The following LINGO2 variants were observed in gnomAD, a reference collection of about 807,000 sequenced individuals.
The protein encoded by LINGO2 is leucine rich repeat and Ig domain containing 2, also known as leucine-rich repeat and immunoglobulin-like domain-containing nogo receptor-interacting protein 2.
In LINGO2, 14 loss-of-function variants were observed where a neutral mutation model predicts 30.6. The ratio of observed to expected loss-of-function variants is 0.46; its 90% CI spans 0.30 to 0.72. The LOEUF is 0.72. Among genes scored for constraint, LINGO2 ranks in the 30% least tolerant of loss-of-function variants. LINGO2 has a pLI of 0.07. For missense variants in LINGO2, 729 were observed against 751.7 expected (o/e 0.97, Z 0.35); for synonymous variants, 317 against 288.5 (o/e 1.10, Z -1.00).
At chr9:28,084,666 G>C (rs959193469) in intron 4 of LINGO2, among the ~76,000 whole-genome samples, 1 of 152,084 alleles carries the variant, frequency 6.6e-6, no homozygotes, top group Non-Finnish European at 1.5e-5. Flanking sequence ...CAAACCCGCT[G>C]ACTCCAGATG....
chr9:29,074,295 TGTC>T, the LINGO2 span, among the ~76,000 whole-genome samples: 7 of 144,720 alleles, frequency 4.8e-5, no homozygotes, highest in Non-Finnish European at 1.1e-4. Context: ...TATATATTGA[TGTC>T]TTATCTATTG....
the LINGO2 span, among the ~76,000 whole-genome samples, chr9:28,765,759 G>A: frequency 8.6e-5 from 13 of 151,976 alleles, no homozygotes; most frequent in Non-Finnish European, 1.5e-4. Context: ...ATCATGAGCC[G>A]AATAAACCTC....
the LINGO2 span, among the ~76,000 whole-genome samples, chr9:28,783,895 T>C: frequency 6.6e-6 from 1 of 152,310 alleles, no homozygotes; most frequent in Admixed American, 6.5e-5. Context: ...GGATTGCAGA[T>C]GGTCATCTTC....
chr9:28,231,450 A>C, intron 4 of LINGO2, among the ~76,000 whole-genome samples: 1 of 152,064 alleles, frequency 6.6e-6, no homozygotes, highest in East Asian at 1.9e-4. Flanking sequence ...AGGATTCTTA[A>C]ATATTTAAGA....
At chr9:29,157,883 C>A in the LINGO2 span, among the ~76,000 whole-genome samples, 1 of 152,038 alleles carries the variant, frequency 6.6e-6, no homozygotes, top group South Asian at 2.1e-4. Flanking sequence ...CACTTACTCC[C>A]CTACAATAAT....
chr9:28,740,253 T>C, the LINGO2 span, among the ~76,000 whole-genome samples: 1 of 151,894 alleles, frequency 6.6e-6, no homozygotes, highest in Non-Finnish European at 1.5e-5. Context: ...ATTCTATAGA[T>C]ATCTGCTAGA....
intron 5 of LINGO2, among the ~76,000 whole-genome samples, chr9:27,954,410 T>C (rs1819462501): frequency 6.6e-6 from 1 of 152,198 alleles, no homozygotes; most frequent in East Asian, 1.9e-4. Flanking sequence ...ATGCTCTCAA[T>C]GTTTTTAGCT....
At chr9:28,569,344 C>T (rs1823556556) in intron 1 of LINGO2, among the ~76,000 whole-genome samples, 1 of 151,658 alleles carries the variant, frequency 6.6e-6, no homozygotes, top group Admixed American at 6.6e-5. Context: ...CTCTCCTGTT[C>T]ATTGTAGTGT....
At chr9:29,193,226 T>C in the LINGO2 span, among the ~76,000 whole-genome samples, 1 of 152,176 alleles carries the variant, frequency 6.6e-6, no homozygotes, top group Non-Finnish European at 1.5e-5. Flanking sequence ...GGACCAAATA[T>C]TATCTGACCT....
At chr9:28,137,680 T>G (rs1164123283) in intron 4 of LINGO2, among the ~76,000 whole-genome samples, 1 of 152,154 alleles carries the variant, frequency 6.6e-6, no homozygotes, top group Non-Finnish European at 1.5e-5. Context: ...TGAAGTCTGA[T>G]GTATTCTTAT....
At chr9:29,162,192 T>C in the LINGO2 span, among the ~76,000 whole-genome samples, 1 of 152,166 alleles carries the variant, frequency 6.6e-6, no homozygotes, top group African/African-American at 2.4e-5. Flanking sequence ...AGTGCTGACA[T>C]TACAGGTGTG....
At chr9:28,170,355 A>T (rs1828548887) in intron 4 of LINGO2, among the ~76,000 whole-genome samples, 1 of 152,222 alleles carries the variant, frequency 6.6e-6, no homozygotes, top group Non-Finnish European at 1.5e-5. Flanking sequence ...AACAGCTTCC[A>T]CCGGCATGTA....
At chr9:28,351,331 C>T (rs1819876141) in intron 3 of LINGO2, among the ~76,000 whole-genome samples, 1 of 143,874 alleles carries the variant, frequency 7.0e-6, no homozygotes, top group African/African-American at 2.5e-5. Flanking sequence ...ACCACCGATC[C>T]CACAGAAATA....
At chr9:28,733,496 C>T in the LINGO2 span, among the ~76,000 whole-genome samples, 1 of 152,082 alleles carries the variant, frequency 6.6e-6, no homozygotes, top group East Asian at 1.9e-4. Flanking sequence ...AGTCCCTAGT[C>T]ATCCTTCTGT....
the LINGO2 span, among the ~76,000 whole-genome samples, chr9:29,119,577 C>CTTT: frequency 2.9e-3 from 240 of 82,464 alleles, no homozygotes; most frequent in Middle Eastern, 0.011. Flanking sequence ...CAGTTGTCAT[C>CTTT]TTTTTTTTTT....
intron 4 of LINGO2, among the ~76,000 whole-genome samples, chr9:28,033,567 T>G (rs1183751070): frequency 6.6e-6 from 1 of 152,086 alleles, no homozygotes; most frequent in Non-Finnish European, 1.5e-5. Flanking sequence ...CACCAAAATG[T>G]CAATTAGGTA....
At chr9:28,032,480 G>T (rs1229222759) in intron 4 of LINGO2, among the ~76,000 whole-genome samples, 1 of 152,168 alleles carries the variant, frequency 6.6e-6, no homozygotes, top group East Asian at 1.9e-4. Flanking sequence ...GCAATCAATG[G>T]TGAATCTAGT....
chr9:28,834,307 T>G, the LINGO2 span, among the ~76,000 whole-genome samples: 1 of 152,174 alleles, frequency 6.6e-6, no homozygotes, highest in African/African-American at 2.4e-5. Flanking sequence ...TTAAGACATT[T>G]AAGTGCATAC....
At chr9:29,213,491 G>A in the LINGO2 span, among the ~76,000 whole-genome samples, 2 of 152,070 alleles carry the variant, frequency 1.3e-5, no homozygotes, top group Non-Finnish European at 2.9e-5. Flanking sequence ...GGCGGGCGGC[G>A]GGCGGCGGCG....
Sources: allele counts gnomAD v4.1 joint callset (sites outside exome capture counted in the v4.1 genomes callset), GRCh38; gene constraint gnomAD v4.1.1; transcripts MANE v1.5; gene names NCBI Gene and HGNC (gene_info 2026-07-23, HGNC 2026-07-21).